Variants in FBXL13 observed in about 807,000 individuals in gnomAD.
The protein encoded by FBXL13 is F-box and leucine-rich repeat protein 13.
FBXL13 carries 67 observed loss-of-function variants against 83.6 expected under a neutral mutation model. The ratio of observed to expected loss-of-function variants is 0.80; its 90% CI spans 0.66 to 0.98. The LOEUF is 0.98. FBXL13 is among the 50% of genes least tolerant of loss of function. The probability of loss-of-function intolerance (pLI) is 0.00; values close to 1 mark genes in which losing one functional copy is unlikely to be tolerated. For synonymous variants in FBXL13, 272 were observed against 299.5 expected, an observed-to-expected ratio of 0.91 and a Z score of 0.95; for missense variants, 822 against 866.5, an observed-to-expected ratio of 0.95 and a Z score of 0.64.
chr7:102,970,366 G>C lies in FBXL13; in HGVS notation c.496-2249C>G, dbSNP rs566326894. 3.9e-3 allele frequency among the ~76,000 whole-genome samples: 594 copies of C among 151,984 alleles called. 3 individuals are homozygous for C. Among genetic ancestry groups the C allele is most frequent in the Non-Finnish European group, 6.2e-3 (424 of 67,924 alleles). Reference sequence around the variant, plus strand: ...TTTTTTTTAAAAAAATGAATGAAAAGAAAAAAAGAGTTTGTAACCAAAGGC... The same window carrying C: ...TTTTTTTTAAAAAAATGAATGAAAACAAAAAAAGAGTTTGTAACCAAAGGC... On this transcript the variant is annotated intron_variant, in intron 6 of 19. Transcript: ENST00000313221.
intron 6 of FBXL13, among the ~76,000 whole-genome samples, chr7:103,016,062 T>C (rs1223844959): frequency 3.9e-5 from 6 of 152,132 alleles, no homozygotes; most frequent in Non-Finnish European, 5.9e-5. Flanking sequence ...GAAGAATCAA[T>C]ATTGTTAAAA....
At chr7:102,955,148 C>T (rs1345602399) in intron 8 of FBXL13, among the ~76,000 whole-genome samples, 2 of 152,112 alleles carry the variant, frequency 1.3e-5, no homozygotes, top group East Asian at 3.9e-4. Context: ...GGAAGTAAAG[C>T]ACTCCTCAGC....
intron 6 of FBXL13, among the ~76,000 whole-genome samples, chr7:103,011,481 C>CA (rs1266154575): frequency 1.3e-5 from 2 of 151,166 alleles, no homozygotes; most frequent in African/African-American, 2.4e-5. Context: ...CTAAAAAATA[C>CA]AAAAAAAATT....
intron 6 of FBXL13, among the ~76,000 whole-genome samples, chr7:102,984,051 A>G (rs1329313942): frequency 1.3e-5 from 2 of 152,184 alleles, no homozygotes; most frequent in African/African-American, 4.8e-5. Context: ...CATATGCACA[A>G]TGATCAGCTC....
chr7:102,843,640 G>A (rs1803396780), intron 17 of FBXL13, among the ~76,000 whole-genome samples: 1 of 151,956 alleles, frequency 6.6e-6, no homozygotes, highest in Non-Finnish European at 1.5e-5. Context: ...GCCAGACATG[G>A]TCGTGGGCAC....
At chr7:102,849,832 A>G (rs891558260) in intron 17 of FBXL13, among the ~76,000 whole-genome samples, 4 of 152,130 alleles carry the variant, frequency 2.6e-5, no homozygotes, top group African/African-American at 9.7e-5. Context: ...ACGTACCAAA[A>G]GCAGGGAGGA....
Position 103,063,770 on chromosome 7 carries a change from G to GTT in FBXL13, c.-104-8025_-104-8024dup, listed in dbSNP as rs1449078516. 4.6e-5 allele frequency among the ~76,000 whole-genome samples: 6 copies of GTT among 129,332 alleles called. No individual in the cohort carries two copies. The Admixed American group carries it at 5.5e-4, about 12-fold the overall frequency. The allele number at this position is 129,332 out of a possible 152,430, so 84.8% of individuals were successfully genotyped here. On this transcript the variant is annotated intron_variant, in intron 1 of 19. Transcript: ENST00000313221. The stretch of plus-strand genomic sequence containing the variant: ...GTCTCTCACTATGTTGCCCAGGCTA[G>GTT]TTTCAAACTCCTGGCCTCAAGGAAT...
At chr7:102,957,180 A>T (rs965059230) in intron 8 of FBXL13, among the ~76,000 whole-genome samples, 1 of 152,206 alleles carries the variant, frequency 6.6e-6, no homozygotes, top group African/African-American at 2.4e-5. Context: ...CTGGTACCAA[A>T]ACAGATATAT....
At chr7:103,065,063 G>T (rs1798262478) in intron 1 of FBXL13, among the ~76,000 whole-genome samples, 1 of 152,146 alleles carries the variant, frequency 6.6e-6, no homozygotes, top group Non-Finnish European at 1.5e-5. Flanking sequence ...TGCTTTAACT[G>T]GTTGCATGTC....
chr7:102,894,904 C>A (rs947143836), intron 11 of FBXL13, among the ~76,000 whole-genome samples: 1 of 152,172 alleles, frequency 6.6e-6, no homozygotes, highest in African/African-American at 2.4e-5. Flanking sequence ...ACGTAACAGG[C>A]ATCCTGAGCT....
chr7:103,066,615 A>G (rs2129503401), intron 1 of FBXL13, among the ~76,000 whole-genome samples: 1 of 151,614 alleles, frequency 6.6e-6, no homozygotes, highest in South Asian at 2.1e-4. Context: ...GGATGGTGTC[A>G]AGCTCCTGAC....
intron 19 of FBXL13, among the ~76,000 whole-genome samples, chr7:102,821,327 G>T (rs1798783950): frequency 6.6e-6 from 1 of 152,084 alleles, no homozygotes; most frequent in South Asian, 2.1e-4. Context: ...TGGGCCCAGT[G>T]GGAATGTCTA....
At chr7:102,881,490 G>C (rs1015862431) in intron 14 of FBXL13, among the ~76,000 whole-genome samples, 1 of 147,342 alleles carries the variant, frequency 6.8e-6, no homozygotes. Flanking sequence ...TGCACGAAAT[G>C]CAAGAATGAA....
chr7:102,967,610 A>G (rs1826125272), intron 7 of FBXL13, among the ~76,000 whole-genome samples: 1 of 152,200 alleles, frequency 6.6e-6, no homozygotes, highest in Admixed American at 6.5e-5. Flanking sequence ...TCTTCCAAAA[A>G]TTATGAGTTA....
chr7:102,994,726 G>A (rs1829918233), intron 6 of FBXL13, among the ~76,000 whole-genome samples: 1 of 152,200 alleles, frequency 6.6e-6, no homozygotes, highest in Admixed American at 6.5e-5. Flanking sequence ...GCTTAGTTCT[G>A]ATTGGTTGAC....
At chr7:103,061,185 T>C (rs59099783) in intron 1 of FBXL13, among the ~76,000 whole-genome samples, 2 of 152,000 alleles carry the variant, frequency 1.3e-5, no homozygotes, top group East Asian at 3.9e-4. Flanking sequence ...GTTTTTTTTT[T>C]TTGTTTTTTT....
intron 18 of FBXL13, among the ~76,000 whole-genome samples, chr7:102,827,525 T>C (rs1045994212): frequency 2.0e-5 from 3 of 152,054 alleles, no homozygotes; most frequent in East Asian, 1.9e-4. Flanking sequence ...ATATGACCCA[T>C]TGATCATTTT....
intron 1 of FBXL13, among the ~76,000 whole-genome samples, chr7:103,072,984 G>GA (rs1799128875): frequency 6.6e-6 from 1 of 152,164 alleles, no homozygotes; most frequent in East Asian, 1.9e-4. Flanking sequence ...TGCTACTTGA[G>GA]AAAATCACAC....
At chr7:102,901,042 T>C (rs1330028856) in intron 11 of FBXL13, among the ~76,000 whole-genome samples, 1 of 152,174 alleles carries the variant, frequency 6.6e-6, no homozygotes, top group Non-Finnish European at 1.5e-5. Context: ...GTGCTGACCT[T>C]ACTGAGTGGA....
Sources: gnomAD v4.1 joint callset for allele counts (sites outside exome capture counted in the v4.1 genomes callset) on GRCh38, gnomAD v4.1.1 for gene constraint, MANE v1.5 for transcripts, NCBI Gene and HGNC (gene_info 2026-07-23, HGNC 2026-07-21) for gene names.